ARL6: variants seen among roughly 807,000 people sequenced by gnomAD.
ARL6 encodes ARF like GTPase 6.
In ARL6, 18 loss-of-function variants were observed where a neutral mutation model predicts 27.1. The observed-to-expected ratio is 0.66, with a 90% confidence interval of 0.46 to 0.98. The LOEUF (loss-of-function observed/expected upper bound fraction) is 0.98. Ranked by LOEUF, ARL6 falls within the 50% of genes least tolerant of loss-of-function variation. ARL6 has a pLI of 0.00. For missense variants in ARL6, 187 were observed against 214.9 expected (o/e 0.87, Z 0.81); for synonymous variants, 65 against 72.3 (o/e 0.90, Z 0.51).
At chr3:97,795,563 A>T (rs1288226683) in intron 7 of ARL6, among the ~76,000 whole-genome samples, 1 of 152,208 alleles carries the variant, frequency 6.6e-6, no homozygotes, top group African/African-American at 2.4e-5. Flanking sequence ...GAAAATGGCA[A>T]CCAAATTTTG....
intron 2 of ARL6, among the ~76,000 whole-genome samples, chr3:97,778,000 CAG>C (rs1254081743): frequency 6.6e-6 from 1 of 152,154 alleles, no homozygotes; most frequent in African/African-American, 2.4e-5. Flanking sequence ...AATTATAATT[CAG>C]TGAAGACAGG....
intron 2 of ARL6, among the ~76,000 whole-genome samples, chr3:97,777,121 G>C (rs1033497964): frequency 6.6e-6 from 1 of 152,176 alleles, no homozygotes; most frequent in Non-Finnish European, 1.5e-5. Flanking sequence ...TTGGCACTTT[G>C]GATGAGTAGA....
chr3:97,788,520 G>C (rs1183994240), intron 6 of ARL6, among the ~76,000 whole-genome samples: 1 of 151,824 alleles, frequency 6.6e-6, no homozygotes, highest in Non-Finnish European at 1.5e-5. Flanking sequence ...ATTACCATGT[G>C]ACTGCTTTTT....
intron 7 of ARL6, 105 bp downstream of exon 7, chr3:97,791,931 T>C: frequency 1.0e-6 from 1 of 990,814 alleles, no homozygotes; most frequent in Non-Finnish European, 1.5e-6. Flanking sequence ...TTTTTCCTCT[T>C]TCCATTTATT....
chr3:97,786,076 G>C (rs965664609), intron 5 of ARL6, among the ~76,000 whole-genome samples: 28 of 151,888 alleles, frequency 1.8e-4, no homozygotes, highest in African/African-American at 6.8e-4. Context: ...GGCTGGGCGT[G>C]GTGGCTCAGG....
intron 7 of ARL6, among the ~76,000 whole-genome samples, chr3:97,797,469 G>C (rs576891542): frequency 1.3e-5 from 2 of 152,256 alleles, no homozygotes; most frequent in South Asian, 4.2e-4. Flanking sequence ...TAGGAGAATG[G>C]GGGTATTAGA....
chr3:97,775,587 A>C (rs2036858561), intron 2 of ARL6, among the ~76,000 whole-genome samples: 1 of 152,158 alleles, frequency 6.6e-6, no homozygotes, highest in Admixed American at 6.5e-5. Flanking sequence ...GCACCCTCAC[A>C]GACACACCCA....
intron 2 of ARL6, among the ~76,000 whole-genome samples, chr3:97,773,038 G>C (rs184820516): frequency 6.6e-6 from 1 of 152,084 alleles, no homozygotes; most frequent in African/African-American, 2.4e-5. Flanking sequence ...TATTAGTCAG[G>C]GTTCTCTAGA....
chr3:97,790,599 G>C (rs2037685234), intron 6 of ARL6, among the ~76,000 whole-genome samples: 1 of 152,110 alleles, frequency 6.6e-6, no homozygotes, highest in Non-Finnish European at 1.5e-5. Context: ...GGAACTATAG[G>C]TGTATGATAA....
intron 2 of ARL6, among the ~76,000 whole-genome samples, chr3:97,776,662 A>T (rs543924018): frequency 8.2e-4 from 122 of 147,908 alleles, no homozygotes; most frequent in Middle Eastern, 3.5e-3. Context: ...TTATTTATTT[A>T]TTTTTTTTTT....
intron 5 of ARL6, 106 bp from the exon 6 acceptor site, chr3:97,787,884 A>G: frequency 8.6e-7 from 1 of 1,157,482 alleles, no homozygotes; most frequent in Non-Finnish European, 1.3e-6. Context: ...GTGTGATATG[A>G]AAAAAGATAA....
intron 2 of ARL6, among the ~76,000 whole-genome samples, chr3:97,771,585 A>T (rs1387264861): frequency 2.6e-5 from 4 of 152,076 alleles, no homozygotes; most frequent in Non-Finnish European, 5.9e-5. Context: ...CCTTGTCTTG[A>T]TCCAGGTTTA....
chr3:97,777,973 C>T (rs1420799795), intron 2 of ARL6, among the ~76,000 whole-genome samples: 4 of 152,070 alleles, frequency 2.6e-5, no homozygotes, highest in South Asian at 2.1e-4. Flanking sequence ...ATCGTGGGGA[C>T]GCTAGGGAAA....
At chr3:97,778,408 A>G (rs1465990470) in intron 2 of ARL6, among the ~76,000 whole-genome samples, 1 of 152,206 alleles carries the variant, frequency 6.6e-6, no homozygotes, top group Non-Finnish European at 1.5e-5. Flanking sequence ...CTAGTGCATT[A>G]CCATGCTATT....
At chr3:97,801,233 C>G (rs762666555), downstream of ARL6, 2 of 152,146 alleles carry the variant, frequency 1.3e-5, no homozygotes, top group African/African-American at 4.8e-5. Context: ...AGAAATACTA[C>G]AGTGATTAAG....
At chr3:97,778,448 CT>C (rs1042877345) in intron 2 of ARL6, among the ~76,000 whole-genome samples, 11 of 152,230 alleles carry the variant, frequency 7.2e-5, no homozygotes, top group African/African-American at 2.4e-4. Flanking sequence ...GAATTTTGAG[CT>C]TCTGTCTTTC....
intron 2 of ARL6, among the ~76,000 whole-genome samples, chr3:97,772,732 C>T (rs1445851761): frequency 6.6e-6 from 1 of 151,452 alleles, no homozygotes; most frequent in Non-Finnish European, 1.5e-5. Context: ...AGCGATTCTC[C>T]TGCCTCAGCC....
At chr3:97,793,788 T>TGTAC (rs1397937648) in intron 7 of ARL6, among the ~76,000 whole-genome samples, 33 of 152,274 alleles carry the variant, frequency 2.2e-4, no homozygotes, top group Admixed American at 5.9e-4. Context: ...TATTACTTTA[T>TGTAC]GTACCCTTTA....
At chr3:97,777,715 G>A (rs1196962132) in intron 2 of ARL6, among the ~76,000 whole-genome samples, 1 of 152,256 alleles carries the variant, frequency 6.6e-6, no homozygotes, top group African/African-American at 2.4e-5. Flanking sequence ...AGAGCAGAGG[G>A]AGATTGATAT....
Sources: gnomAD v4.1 joint callset for allele counts (sites outside exome capture counted in the v4.1 genomes callset) on GRCh38, gnomAD v4.1.1 for gene constraint, MANE v1.5 for transcripts, NCBI Gene and HGNC (gene_info 2026-07-23, HGNC 2026-07-21) for gene names.